Variants in NSMAF observed in about 807,000 individuals in gnomAD.
NSMAF encodes the protein protein FAN.
NSMAF carries 90 observed loss-of-function variants against 134.9 expected under a neutral mutation model. That is an observed-to-expected ratio of 0.67 (90% confidence interval 0.56 to 0.79). NSMAF has a LOEUF of 0.79. Among genes scored for constraint, NSMAF ranks in the 30% least tolerant of loss-of-function variants. The pLI is 0.00. For missense variants in NSMAF, 1,010 were observed against 1,119.0 expected (o/e 0.90, Z 1.39); for synonymous variants, 358 against 389.6 (o/e 0.92, Z 0.96).
At chr8:58,600,996 A>G (rs1563527665) in intron 16 of NSMAF, among the ~76,000 whole-genome samples, 1 of 152,228 alleles carries the variant, frequency 6.6e-6, no homozygotes, top group Admixed American at 6.5e-5. Context: ...GTGATACAAT[A>G]ATTTTAAAAA....
intron 9 of NSMAF, among the ~76,000 whole-genome samples, chr8:58,616,170 C>T (rs1464170331): frequency 6.6e-6 from 1 of 152,060 alleles, no homozygotes; most frequent in East Asian, 1.9e-4. Flanking sequence ...ACCTAGATGG[C>T]TTCATCAATA....
At chr8:58,602,953 G>A (rs2634529) in intron 13 of NSMAF, among the ~76,000 whole-genome samples, 134,459 of 152,144 alleles carry the variant, frequency 0.88, 59,850 homozygotes, top group East Asian at 0.97. Context: ...ATAACCCTGG[G>A]TTAAAATCAT....
In NSMAF at chr8:58,585,883, A is replaced by C. The variant is rs1365232046; in HGVS notation, c.2549+15T>G. ...TCTGTAAATGTCTTCGCCCCCAGTAACTCACAAACTATACCTCTGGGGCTC... is the reference window on the plus strand; with the variant it reads ...TCTGTAAATGTCTTCGCCCCCAGTACCTCACAAACTATACCTCTGGGGCTC... On this transcript the variant is annotated intron_variant, in intron 29 of 30. Transcript: ENST00000038176. 6.2e-7 allele frequency: 1 copy of C among 1,607,150 alleles called. No homozygotes were observed. Among genetic ancestry groups the C allele is most frequent in the Non-Finnish European group, 8.5e-7 (1 of 1,173,938 alleles).
In NSMAF at chr8:58,597,363, G is replaced by A. The variant is rs370919057; in HGVS notation, c.1792+24C>T. ...CAGAAGAGAAACAAAAGGTGCTCAC[G>A]TTTATTCTCTTTACAAAATTTACCT... On this transcript the variant is annotated intron_variant, in intron 21 of 30. Coordinates refer to ENST00000038176, the MANE Select transcript of NSMAF (RefSeq NM_003580.4). The A allele has an allele frequency of 1.6e-5, 26 of 1,602,066 alleles. No homozygotes were observed. In the African/African-American group the frequency reaches 2.0e-4, roughly 12 times the overall value.
chr8:58,654,210 T>C (rs1467421992), intron 1 of NSMAF, among the ~76,000 whole-genome samples: 3 of 152,210 alleles, frequency 2.0e-5, no homozygotes, highest in African/African-American at 7.2e-5. Context: ...AATGAAAGAT[T>C]AAACCGAAGT....
At chr8:58,628,130 TG>T (rs1008285502) in intron 6 of NSMAF, among the ~76,000 whole-genome samples, 1 of 152,004 alleles carries the variant, frequency 6.6e-6, no homozygotes, top group African/African-American at 2.4e-5. Flanking sequence ...AAACATACAG[TG>T]GGGAAAGGAC....
At chr8:58,626,091 C>CGTTTTTTTTTTTTT (rs1563537415) in intron 6 of NSMAF, among the ~76,000 whole-genome samples, 1 of 99,370 alleles carries the variant, frequency 1.0e-5, no homozygotes. Context: ...TTATATAATT[C>CGTTTTTTTTTTTTT]TTTTTTTTTT....
At chr8:58,646,953 AC>A (rs1807470355) in intron 1 of NSMAF, among the ~76,000 whole-genome samples, 1 of 152,224 alleles carries the variant, frequency 6.6e-6, no homozygotes, top group African/African-American at 2.4e-5. Context: ...TCCTATTCTT[AC>A]ATCACCTAAA....
intron 9 of NSMAF, among the ~76,000 whole-genome samples, chr8:58,612,473 A>G (rs1470889914): frequency 6.6e-6 from 1 of 152,068 alleles, no homozygotes; most frequent in African/African-American, 2.4e-5. Context: ...ACCCTTTATC[A>G]TGTCCTTTAT....
At chr8:58,624,341 C>T (rs747818648) in intron 6 of NSMAF, among the ~76,000 whole-genome samples, 6 of 152,136 alleles carry the variant, frequency 3.9e-5, no homozygotes, top group Non-Finnish European at 7.3e-5. Flanking sequence ...ACCACCACAC[C>T]TGGCCTAGAG....
chr8:58,657,233 CTAACAA>C (rs895659974), intron 1 of NSMAF, among the ~76,000 whole-genome samples: 1 of 152,178 alleles, frequency 6.6e-6, no homozygotes, highest in Non-Finnish European at 1.5e-5. Flanking sequence ...GTACATCAAC[CTAACAA>C]TAAGAGAAAT....
intron 12 of NSMAF, among the ~76,000 whole-genome samples, chr8:58,605,573 T>G (rs1403580689): frequency 6.6e-6 from 1 of 152,154 alleles, no homozygotes; most frequent in East Asian, 1.9e-4. Flanking sequence ...AAAATATTAT[T>G]TTGGCAATTA....
chr8:58,641,722 T>G (rs147176369), intron 2 of NSMAF, among the ~76,000 whole-genome samples: 1 of 152,336 alleles, frequency 6.6e-6, no homozygotes, highest in East Asian at 1.9e-4. Context: ...ATATGTCCAT[T>G]TATATAACTG....
At chr8:58,611,934 G>A (rs1183955536) in intron 9 of NSMAF, among the ~76,000 whole-genome samples, 1 of 152,196 alleles carries the variant, frequency 6.6e-6, no homozygotes, top group Non-Finnish European at 1.5e-5. Flanking sequence ...GAAACTCTAT[G>A]TGACATAATA....
intron 9 of NSMAF, among the ~76,000 whole-genome samples, chr8:58,622,010 T>C (rs1023412336): frequency 3.3e-5 from 5 of 152,250 alleles, no homozygotes; most frequent in Admixed American, 2.6e-4. Flanking sequence ...TTTGCTGTAA[T>C]TGCTTTTGTG....
At chr8:58,613,461 C>G (rs1338737519) in intron 9 of NSMAF, among the ~76,000 whole-genome samples, 1 of 151,796 alleles carries the variant, frequency 6.6e-6, no homozygotes, top group African/African-American at 2.4e-5. Flanking sequence ...CTAAAAATAA[C>G]ACAAAGTGCT....
At position 58,621,241 on chromosome 8, in the gene NSMAF, G is replaced by A. The variant is rs531449752; in HGVS notation, c.557+1979C>T. Among the ~76,000 whole-genome samples the A allele has an allele frequency of 1.2e-3, 177 of 152,078 alleles. 2 individuals carry two copies. The highest frequency in any genetic ancestry group is 1.9e-3 in the Non-Finnish European group (129 of 67,948). On this transcript the variant is annotated intron_variant, in intron 9 of 30. Transcript: ENST00000038176. ...ACATTAATTTGCTCCAGCGCCATCC[G>A]TGGCCTCCAGCTCCATCCAGTGTTG...
chr8:58,659,429 A>T (rs954255607), intron 1 of NSMAF, 144 bp downstream of exon 1: 24 of 1,499,226 alleles, frequency 1.6e-5, no homozygotes, highest in Non-Finnish European at 2.0e-5. Context: ...CACAGCCCCC[A>T]GCCCAGGCCC....
In NSMAF at chr8:58,587,672, T is replaced by C; in HGVS notation, c.2241A>G (p.Pro747=). The stretch of plus-strand genomic sequence containing the variant: ...AGTCAAAGTGGTGTCTTTTGGTGCC[T>C]GGCATCTCTGCAGGAACACCAGACC... ...KVWSGVPAEM[P]GTKRHHFDLL... Residue 747 remains proline (P), a synonymous_variant, in exon 27 of 31, where the codon CCA becomes CCG. Coordinates refer to ENST00000038176, the MANE Select transcript of NSMAF (RefSeq NM_003580.4). 1 of 1,614,188 alleles carries C rather than the reference T, an allele frequency of 6.2e-7. No individual in the cohort carries two copies. Among genetic ancestry groups the C allele is most frequent in the Non-Finnish European group, 8.5e-7 (1 of 1,180,014 alleles).
Sources: allele counts gnomAD v4.1 joint callset (sites outside exome capture counted in the v4.1 genomes callset), GRCh38; gene constraint gnomAD v4.1.1; transcripts MANE v1.5; gene names NCBI Gene and HGNC (gene_info 2026-07-23, HGNC 2026-07-21).